The following PCDH9 variants were observed in gnomAD, a reference collection of about 807,000 sequenced individuals.
PCDH9 encodes protocadherin-9.
PCDH9 carries 24 observed loss-of-function variants against 70.6 expected under a neutral mutation model. The observed-to-expected ratio is 0.34, with a 90% CI of 0.25 to 0.48. The LOEUF (loss-of-function observed/expected upper bound fraction) is 0.48, where lower values mean the gene tolerates loss of function less well. PCDH9 is among the 20% of genes least tolerant of loss of function. The pLI is 0.99. For synonymous variants in PCDH9, 562 were observed against 558.5 expected (o/e 1.01, Z -0.09); for missense variants, 1,281 against 1,503.6 (o/e 0.85, Z 2.45).
chr13:66,785,119 C>A (rs1181996217), intron 3 of PCDH9, among the ~76,000 whole-genome samples: 1 of 152,060 alleles, frequency 6.6e-6, no homozygotes, highest in African/African-American at 2.4e-5. Context: ...ATTCAGTTAA[C>A]AGGATAGCAG....
chr13:66,408,122 A>C (rs551239289), intron 4 of PCDH9, among the ~76,000 whole-genome samples: 1 of 146,218 alleles, frequency 6.8e-6, no homozygotes, highest in South Asian at 2.1e-4. Flanking sequence ...GCAGTGGCGC[A>C]ATCTCGGCTC....
intron 4 of PCDH9, among the ~76,000 whole-genome samples, chr13:66,497,264 G>A (rs555558785): frequency 6.6e-6 from 1 of 151,866 alleles, no homozygotes; most frequent in African/African-American, 2.4e-5. Context: ...GGTAGAAATG[G>A]GGTTTTGCCA....
intron 3 of PCDH9, among the ~76,000 whole-genome samples, chr13:66,717,451 C>CAAAAAAAA (rs1246391058): frequency 4.0e-5 from 2 of 50,458 alleles, no homozygotes; most frequent in African/African-American, 2.2e-4. Flanking sequence ...GACTCTGTCT[C>CAAAAAAAA]AAAAAAAAAA....
At chr13:66,912,794 T>C (rs923574971) in intron 2 of PCDH9, among the ~76,000 whole-genome samples, 1 of 152,120 alleles carries the variant, frequency 6.6e-6, no homozygotes, top group African/African-American at 2.4e-5. Context: ...AAATGCATCC[T>C]GGATTTTAGG....
intron 2 of PCDH9, among the ~76,000 whole-genome samples, chr13:67,098,498 T>C (rs377190336): frequency 2.0e-5 from 3 of 152,314 alleles, no homozygotes; most frequent in South Asian, 4.1e-4. Context: ...CTGAGTACAA[T>C]AATGTAGTTT....
chr13:66,708,546 T>C (rs2078748570), intron 3 of PCDH9, among the ~76,000 whole-genome samples: 1 of 152,126 alleles, frequency 6.6e-6, no homozygotes, highest in African/African-American at 2.4e-5. Flanking sequence ...AAATTACTGA[T>C]GGATATGCAG....
chr13:67,124,188 T>C (rs1418927315), intron 2 of PCDH9, among the ~76,000 whole-genome samples: 2 of 152,204 alleles, frequency 1.3e-5, no homozygotes, highest in Non-Finnish European at 2.9e-5. Flanking sequence ...TAGTATGCTA[T>C]ACTGCTATCA....
chr13:66,935,617 G>A (rs1244963527), intron 2 of PCDH9, among the ~76,000 whole-genome samples: 1 of 152,094 alleles, frequency 6.6e-6, no homozygotes, highest in African/African-American at 2.4e-5. Flanking sequence ...AGTTGTTCAA[G>A]TGGAAGTGCA....
chr13:66,841,630 T>C (rs1475027136), intron 3 of PCDH9, among the ~76,000 whole-genome samples: 1 of 152,182 alleles, frequency 6.6e-6, no homozygotes, highest in Non-Finnish European at 1.5e-5. Context: ...ACCCATTCCA[T>C]CCACTTTTGT....
At chr13:66,639,835 A>G (rs1566474848) in intron 3 of PCDH9, among the ~76,000 whole-genome samples, 1 of 152,176 alleles carries the variant, frequency 6.6e-6, no homozygotes, top group Non-Finnish European at 1.5e-5. Context: ...AGTTCCTGCT[A>G]TCAGAAAAGT....
In PCDH9 at chr13:66,701,593, G is replaced by A. The variant is rs536715114; in HGVS notation, c.3139-70182C>T. Among the ~76,000 whole-genome samples, 6 of 152,088 alleles carry A rather than the reference G, an allele frequency of 3.9e-5. No individual in the cohort carries two copies. In the East Asian group the frequency reaches 1.2e-3, roughly 29 times the overall value. Reference sequence around the variant, plus strand: ...TGGCCTAGCTTTTTATTTATTCTCAGAATAAAACCATATTCTTTTAAATGC... The same window carrying A: ...TGGCCTAGCTTTTTATTTATTCTCAAAATAAAACCATATTCTTTTAAATGC... On this transcript the variant is annotated intron_variant, in intron 3 of 4. Transcript: ENST00000377865.
intron 4 of PCDH9, among the ~76,000 whole-genome samples, chr13:66,477,327 A>T (rs1002058643): frequency 6.6e-6 from 1 of 152,148 alleles, no homozygotes; most frequent in Non-Finnish European, 1.5e-5. Flanking sequence ...AATTAATACG[A>T]TTATTGTGAA....
intron 4 of PCDH9, among the ~76,000 whole-genome samples, chr13:66,572,514 T>C (rs1000861863): frequency 1.3e-5 from 2 of 152,128 alleles, no homozygotes; most frequent in Admixed American, 1.3e-4. Context: ...TCCTCCAGGC[T>C]CAGCCATATT....
intron 3 of PCDH9, among the ~76,000 whole-genome samples, chr13:66,703,660 C>G (rs570561716): frequency 2.0e-5 from 3 of 152,054 alleles, no homozygotes; most frequent in Admixed American, 1.3e-4. Context: ...TTTGGGAGAT[C>G]AAGGTGTGAG....
Position 67,227,974 on chromosome 13 carries a change from A to C in PCDH9, c.467T>G (p.Leu156Trp). The change falls in exon 2 of 5, where the codon TTG becomes TGG. Residue 156 changes from leucine to tryptophan, a missense_variant. Transcript: ENST00000377865. The surrounding 1 kb of genome is among the most constrained non-coding windows in gnomAD (Gnocchi z 4.6). ...TGGAATTGGAAAGCGGCTGTTGATC[A>C]AAGTGTTTTCTGGAATGGAAATATT... ...VINISIPENT[L>W]INSRFPIPSA... 1 of 1,614,142 alleles carries C rather than the reference A, an allele frequency of 6.2e-7. No homozygotes were observed. Among genetic ancestry groups the C allele is most frequent in the East Asian group, 2.2e-5 (1 of 44,876 alleles).
At chr13:66,691,452 C>T (rs1159152399) in intron 3 of PCDH9, among the ~76,000 whole-genome samples, 2 of 152,166 alleles carry the variant, frequency 1.3e-5, no homozygotes, top group Non-Finnish European at 2.9e-5. Flanking sequence ...TAAACAACAT[C>T]TAGTCCAATG....
chr13:66,845,693 C>T (rs913733599), intron 3 of PCDH9, among the ~76,000 whole-genome samples: 7 of 152,168 alleles, frequency 4.6e-5, no homozygotes, highest in African/African-American at 1.4e-4. Flanking sequence ...CTGCACCTCC[C>T]TCACTGCAGC....
intron 4 of PCDH9, among the ~76,000 whole-genome samples, chr13:66,455,920 A>G (rs1334136929): frequency 2.6e-5 from 4 of 152,162 alleles, no homozygotes; most frequent in African/African-American, 9.6e-5. Flanking sequence ...TTCATAGCCT[A>G]CAGCCCATGT....
intron 4 of PCDH9, among the ~76,000 whole-genome samples, chr13:66,358,754 C>T (rs576397280): frequency 4.6e-4 from 70 of 151,960 alleles, no homozygotes; most frequent in African/African-American, 1.7e-3. Context: ...CCATTAGTTT[C>T]AGTGTGTGTG....
Sources: allele counts gnomAD v4.1 joint callset (sites outside exome capture counted in the v4.1 genomes callset), GRCh38; gene constraint gnomAD v4.1.1; non-coding constraint Gnocchi (gnomAD v3.1); transcripts MANE v1.5; gene names NCBI Gene and HGNC (gene_info 2026-07-23, HGNC 2026-07-21).